The following EYA2 variants were observed in gnomAD, a reference collection of about 807,000 sequenced individuals.
EYA2 encodes EYA transcriptional coactivator and phosphatase 2, also known as protein phosphatase EYA2.
EYA2 carries 31 observed loss-of-function variants against 69.2 expected under a neutral mutation model. The observed-to-expected ratio is 0.45, with a 90% CI of 0.34 to 0.60. The LOEUF is 0.60. Ranked by LOEUF, EYA2 falls within the 20% of genes least tolerant of loss-of-function variation. The pLI is 0.02. For synonymous variants in EYA2, 257 were observed against 279.4 expected, an observed-to-expected ratio of 0.92 and a Z score of 0.80; for missense variants, 622 against 701.2, an observed-to-expected ratio of 0.89 and a Z score of 1.28.
chr20:47,161,314 T>C (rs3092781), intron 10 of EYA2: 293,270 of 510,984 alleles, frequency 0.57, 86,635 homozygotes, highest in African/African-American at 0.75. Context: ...AACACCCAGA[T>C]CGACATACCA....
chr20:46,906,145 A>G (rs764602835), intron 1 of EYA2, among the ~76,000 whole-genome samples: 9 of 152,148 alleles, frequency 5.9e-5, no homozygotes, highest in Non-Finnish European at 1.2e-4. Context: ...TGGTTTTACA[A>G]TTTTTTACTG....
intron 2 of EYA2, among the ~76,000 whole-genome samples, chr20:46,999,895 G>A (rs1368011255): frequency 6.6e-6 from 1 of 152,206 alleles, no homozygotes; most frequent in East Asian, 1.9e-4. Context: ...GCGCTGTTGT[G>A]AGGACTCAAT....
intron 9 of EYA2, chr20:47,117,538 G>A (rs1198012818): frequency 1.0e-6 from 1 of 985,264 alleles, no homozygotes; most frequent in African/African-American, 1.7e-5. Flanking sequence ...TTCCGGCTTG[G>A]ATTCCGGAAT....
intron 1 of EYA2, among the ~76,000 whole-genome samples, chr20:46,897,448 T>C (rs1983868842): frequency 6.6e-6 from 1 of 152,228 alleles, no homozygotes; most frequent in Admixed American, 6.5e-5. Context: ...TCCTTATTTT[T>C]TCAGTTACTT....
At chr20:47,114,100 G>T (rs895095915) in intron 9 of EYA2, among the ~76,000 whole-genome samples, 3 of 152,248 alleles carry the variant, frequency 2.0e-5, no homozygotes, top group South Asian at 4.2e-4. Context: ...AGCCTCAAAG[G>T]CTCTGTATAA....
chr20:47,022,684 G>T (rs1176507073), intron 5 of EYA2, among the ~76,000 whole-genome samples: 1 of 132,920 alleles, frequency 7.5e-6, no homozygotes, highest in Non-Finnish European at 1.6e-5. Flanking sequence ...TTGAGGCAGG[G>T]TCTCTGTCAC....
chr20:46,952,816 G>A (rs1978885796), intron 1 of EYA2, among the ~76,000 whole-genome samples: 1 of 152,196 alleles, frequency 6.6e-6, no homozygotes, highest in Non-Finnish European at 1.5e-5. Context: ...CGCATCCCAA[G>A]CAGGGCACCC....
chr20:46,956,308 C>T (rs980931272), intron 1 of EYA2, among the ~76,000 whole-genome samples: 2 of 152,194 alleles, frequency 1.3e-5, no homozygotes, highest in African/African-American at 2.4e-5. Context: ...GCATAAAATT[C>T]CATCGAATGG....
intron 8 of EYA2, among the ~76,000 whole-genome samples, 190 bp from the exon 9 acceptor site, chr20:47,096,895 G>A (rs892889683): frequency 6.6e-6 from 1 of 152,162 alleles, no homozygotes. Context: ...CAAAAACTGG[G>A]CATCCGAATA....
intron 4 of EYA2, among the ~76,000 whole-genome samples, chr20:47,008,512 A>G (rs1568720883): frequency 6.6e-6 from 1 of 152,262 alleles, no homozygotes; most frequent in Non-Finnish European, 1.5e-5. Context: ...ACAATCACAC[A>G]TAAGTTACCC....
intron 3 of EYA2, among the ~76,000 whole-genome samples, chr20:47,003,443 G>A (rs887209195): frequency 6.6e-6 from 1 of 152,224 alleles, no homozygotes; most frequent in African/African-American, 2.4e-5. Context: ...GGTCTCAAGA[G>A]GTGGCTGCTG....
chr20:46,947,986 G>A (rs1978564554), intron 1 of EYA2, among the ~76,000 whole-genome samples: 1 of 151,962 alleles, frequency 6.6e-6, no homozygotes, highest in Non-Finnish European at 1.5e-5. Context: ...GCATGGTGGT[G>A]CATGCCTGTA....
chr20:47,173,516 A>AG (rs993947932), intron 12 of EYA2, among the ~76,000 whole-genome samples: 6 of 149,384 alleles, frequency 4.0e-5, no homozygotes, highest in African/African-American at 1.5e-4. Flanking sequence ...CCGTAAAAAA[A>AG]AAAAAAAAAA....
At chr20:47,014,924 A>G in intron 4 of EYA2, among the ~76,000 whole-genome samples, 1 of 152,208 alleles carries the variant, frequency 6.6e-6, no homozygotes, top group East Asian at 1.9e-4. Flanking sequence ...ATCAATACAG[A>G]ATAAGGAAGA....
chr20:47,009,275 C>T (rs1982917344), intron 4 of EYA2, among the ~76,000 whole-genome samples: 2 of 152,200 alleles, frequency 1.3e-5, no homozygotes, highest in African/African-American at 2.4e-5. Context: ...TTTACATCTG[C>T]CTGTGCCTGA....
At chr20:47,053,587 A>T (rs986306324) in intron 5 of EYA2, among the ~76,000 whole-genome samples, 1 of 150,054 alleles carries the variant, frequency 6.7e-6, no homozygotes, top group African/African-American at 2.5e-5. Context: ...GAAACAACCG[A>T]GCCCAGGAAG....
chr20:46,925,357 C>T (rs1985370115), intron 1 of EYA2, among the ~76,000 whole-genome samples: 1 of 152,164 alleles, frequency 6.6e-6, no homozygotes, highest in African/African-American at 2.4e-5. Flanking sequence ...TAAAACACCT[C>T]AGCATAATGC....
At position 47,172,657 on chromosome 20, in the gene EYA2, G is replaced by GCCCTGCACCC. The variant is rs769468229; in HGVS notation, c.1038-41_1038-32dup. 1.9e-6 allele frequency: 3 copies of GCCCTGCACCC among 1,539,556 alleles called. No individual in the cohort carries two copies. In the African/African-American group the frequency reaches 4.1e-5, roughly 21 times the overall value. On this transcript the variant is annotated intron_variant, in intron 11 of 15. Transcript: ENST00000327619. Reference sequence around the variant, plus strand: ...GAGCCTGTGGTCTCCCAGGGAAGATGCCCTGCACCCCCCTGCACTAACACT... The same window carrying GCCCTGCACCC: ...GAGCCTGTGGTCTCCCAGGGAAGATGCCCTGCACCCCCCTGCACCCCCCTGCACTAACACT...
At chr20:47,023,168 A>G (rs1352148407) in intron 5 of EYA2, among the ~76,000 whole-genome samples, 8 of 152,182 alleles carry the variant, frequency 5.3e-5, no homozygotes, top group African/African-American at 1.9e-4. Context: ...ACAATTAACC[A>G]CTGTAATAAT....
Sources: allele counts gnomAD v4.1 joint callset (sites outside exome capture counted in the v4.1 genomes callset), GRCh38; gene constraint gnomAD v4.1.1; transcripts MANE v1.5; gene names NCBI Gene and HGNC (gene_info 2026-07-23, HGNC 2026-07-21).